Variants in MAB21L3 observed in about 807,000 individuals in gnomAD.
MAB21L3 encodes protein mab-21-like 3.
A neutral mutation model predicts 37.7 loss-of-function variants in MAB21L3; 36 were observed. The observed-to-expected ratio is 0.96, with a 90% CI of 0.73 to 1.26. The LOEUF (loss-of-function observed/expected upper bound fraction) is 1.26. MAB21L3 is among the 50% of genes most tolerant of loss of function. MAB21L3 has a pLI of 0.00. For missense variants in MAB21L3, 430 were observed against 447.3 expected, an observed-to-expected ratio of 0.96 and a Z score of 0.35; for synonymous variants, 186 against 176.8, an observed-to-expected ratio of 1.05 and a Z score of -0.41.
chr1:116,133,310 C>T lies in MAB21L3; in HGVS notation c.1034C>T (p.Thr345Ile), dbSNP rs201491619. Reference sequence around the variant, plus strand: ...TGCACCAACCCGACTGAACTGGACACTGTGGCCCAAAAGCTGGCCACCTTC... The same window carrying T: ...TGCACCAACCCGACTGAACTGGACATTGTGGCCCAAAAGCTGGCCACCTTC... ...FQCTNPTELD[T>I]VAQKLATFLK... The change falls in exon 8 of 8, where the codon ACT (threonine) becomes ATT (isoleucine). Residue 345 changes from threonine to isoleucine, a missense_variant. Physicochemically the swap from Thr to Ile is moderately conservative, Grantham distance 89. Transcript: ENST00000369500. 6 of 1,614,238 alleles carry T rather than the reference C, an allele frequency of 3.7e-6. No homozygotes were observed. The highest frequency in any genetic ancestry group is 3.3e-5 in the South Asian group (3 of 91,088).
intron 5 of MAB21L3, 104 bp from the exon 6 acceptor site, chr1:116,127,362 T>C: frequency 9.1e-7 from 1 of 1,104,124 alleles, no homozygotes; most frequent in East Asian, 2.5e-5. Flanking sequence ...GCCACACCAG[T>C]TGCAAGGTGC....
At chr1:116,115,620 C>G (rs1659567481) in intron 3 of MAB21L3, among the ~76,000 whole-genome samples, 1 of 152,182 alleles carries the variant, frequency 6.6e-6, no homozygotes, top group East Asian at 1.9e-4. Context: ...GTGTGACATT[C>G]CTGGCATGCT....
chr1:116,116,161 G>A (rs888524659), intron 3 of MAB21L3, among the ~76,000 whole-genome samples: 1 of 152,166 alleles, frequency 6.6e-6, no homozygotes, highest in Non-Finnish European at 1.5e-5. Flanking sequence ...CTAGGGTGTG[G>A]CCAGAATAAG....
rs937986454 is a variant in MAB21L3 at position 116,137,557 on chromosome 1, G to T, written c.*4192G>T. Among the ~76,000 whole-genome samples, 5 of 149,888 alleles carry T rather than the reference G, an allele frequency of 3.3e-5. No homozygotes were observed. Among genetic ancestry groups the T allele is most frequent in the Admixed American group, 6.6e-5 (1 of 15,122 alleles). On this transcript the variant is annotated 3_prime_UTR_variant, in exon 8 of 8. Coordinates refer to ENST00000369500, the MANE Select transcript of MAB21L3 (RefSeq NM_152367.3). ...GTAAACTAGTTCAACCATTATGGAA[G>T]TCAGTGTGGCGATTCCTCAGGGATC...
At chr1:116,120,883 G>A in intron 3 of MAB21L3, 49 bp from the exon 4 acceptor site, 1 of 1,605,064 alleles carries the variant, frequency 6.2e-7, no homozygotes, top group South Asian at 1.1e-5. Flanking sequence ...CTGGTATCTT[G>A]GGGCCCACAG....
rs1349579018 is a variant in MAB21L3, at chr1:116,137,932, A to G, written c.*4567A>G. Among the ~76,000 whole-genome samples the G allele has an allele frequency of 1.5e-5, 2 of 137,200 alleles. No homozygotes were observed. The highest frequency in any genetic ancestry group is 1.5e-5 in the Non-Finnish European group (1 of 65,932). 90.0% of individuals were successfully genotyped at this position (137,200 alleles called of 152,430 possible). On this transcript the variant is annotated 3_prime_UTR_variant, in exon 8 of 8. Transcript: ENST00000369500. Reference sequence around the variant, plus strand: ...GGTGGGAATTGAACAATGAGAACACATGGACACATTAAGGGTAACATCACA... The same window carrying G: ...GGTGGGAATTGAACAATGAGAACACGTGGACACATTAAGGGTAACATCACA...
chr1:116,113,893 G>C (rs2101607009), intron 3 of MAB21L3, among the ~76,000 whole-genome samples: 1 of 152,292 alleles, frequency 6.6e-6, no homozygotes, highest in East Asian at 1.9e-4. Context: ...GGTCCCCGCT[G>C]CCTCTCTCAC....
rs919815292 is a variant in MAB21L3, at chr1:116,133,851, C to G, written c.*486C>G. ...CTGTGTGCCTATGAAACTGTGCTGG[C>G]GCCTTTTCAAGGGGAAGGCATTGGA... is the stretch of plus-strand genomic sequence containing the variant. On this transcript the variant is annotated 3_prime_UTR_variant, in exon 8 of 8. Transcript: ENST00000369500. The G allele has an allele frequency of 5.8e-6, 1 of 171,354 alleles. No homozygotes were observed. Among genetic ancestry groups the G allele is most frequent in the African/African-American group, 2.4e-5 (1 of 41,742 alleles). 10.6% of individuals were successfully genotyped at this position (171,354 alleles called of 1,614,324 possible).
intron 3 of MAB21L3, among the ~76,000 whole-genome samples, chr1:116,120,531 T>C (rs1659718233): frequency 6.6e-6 from 1 of 150,732 alleles, no homozygotes; most frequent in East Asian, 1.9e-4. Flanking sequence ...CTATATATTA[T>C]AATATTGATA....
intron 3 of MAB21L3, among the ~76,000 whole-genome samples, chr1:116,120,175 C>G (rs1406862660): frequency 6.6e-6 from 1 of 152,074 alleles, no homozygotes; most frequent in African/African-American, 2.4e-5. Context: ...TTTGCCAGAT[C>G]CAACCACAAT....
chr1:116,120,292 T>G (rs374301001), intron 3 of MAB21L3, among the ~76,000 whole-genome samples: 16 of 151,998 alleles, frequency 1.1e-4, no homozygotes, highest in Admixed American at 1.3e-4. Context: ...TTTAGAGAAG[T>G]CTTCTTTGTC....
At chr1:116,115,581 T>G (rs1659566648) in intron 3 of MAB21L3, among the ~76,000 whole-genome samples, 1 of 152,200 alleles carries the variant, frequency 6.6e-6, no homozygotes, top group Admixed American at 6.5e-5. Flanking sequence ...ATACACATAG[T>G]CTGCATGGTC....
chr1:116,114,241 G>C (rs1659507513), intron 3 of MAB21L3, among the ~76,000 whole-genome samples: 1 of 152,174 alleles, frequency 6.6e-6, no homozygotes, highest in Non-Finnish European at 1.5e-5. Context: ...CTGGAGGGAA[G>C]AACAGTGTCT....
chr1:116,128,428 C>T, intron 7 of MAB21L3, 89 bp downstream of exon 7: 1 of 1,290,260 alleles, frequency 7.8e-7, no homozygotes, highest in South Asian at 1.6e-5. Flanking sequence ...GCCAGAGCCA[C>T]TCAGAAGGGG....
intron 5 of MAB21L3, among the ~76,000 whole-genome samples, chr1:116,125,045 GA>G (rs1659865114): frequency 6.7e-6 from 1 of 148,978 alleles, no homozygotes; most frequent in African/African-American, 2.5e-5. Context: ...AGGAATCACA[GA>G]AAAAGAATAC....
intron 5 of MAB21L3, among the ~76,000 whole-genome samples, chr1:116,127,080 A>G (rs1036961412): frequency 6.6e-6 from 1 of 152,172 alleles, no homozygotes. Context: ...ATGTGACCTC[A>G]TCGTAAGTCA....
chr1:116,124,291 C>A lies in MAB21L3; in HGVS notation c.415C>A (p.Pro139Thr), dbSNP rs1659834251. 1.2e-6 allele frequency: 2 copies of A among 1,614,120 alleles called. No individual in the cohort carries two copies. Among genetic ancestry groups the A allele is most frequent in the Non-Finnish European group, 8.5e-7 (1 of 1,180,034 alleles). The change falls in exon 5 of 8, where the codon CCT (proline) becomes ACT (threonine). Residue 139 changes from proline (P) to threonine (T), a missense_variant. Physicochemically the swap from Pro to Thr is conservative, Grantham distance 38. Transcript: ENST00000369500. ...TDVNIDGDIV[P>T]AKVLLVFRKL... ...TGTGAACATCGACGGAGACATTGTG[C>A]CTGCCAAGGTCCTCCTAGTGTTCCG...
At position 116,133,224 on chromosome 1, in the gene MAB21L3, C is replaced by T. The variant is rs770919534; in HGVS notation, c.948C>T (p.His316=). 14 of 1,614,064 alleles carry T rather than the reference C, an allele frequency of 8.7e-6. No homozygotes were observed. The highest frequency in any genetic ancestry group is 2.7e-5 in the African/African-American group (2 of 74,934). ...TTCTGCGCCTGGTGAGGAAACTGCA[C>T]AAGTGCGTGAGCCAGCACTTCCTGA... ...KAFLRLVRKL[H]KCVSQHFLKH... The change falls in exon 8 of 8, where the codon CAC becomes CAT. Residue 316 remains histidine (H), a synonymous_variant. Transcript: ENST00000369500.
Position 116,136,661 on chromosome 1 carries a change from T to C in MAB21L3, c.*3296T>C, listed in dbSNP as rs1241956603. On this transcript the variant is annotated 3_prime_UTR_variant, in exon 8 of 8. Transcript: ENST00000369500. ...TATGGAACCAAAAAAGAGCCTGCAT[T>C]GCCAAGTCAATTCTAAGCCAAAAGA... Among the ~76,000 whole-genome samples the C allele has an allele frequency of 7.2e-5, 11 of 152,266 alleles. No homozygotes were observed. Among genetic ancestry groups the C allele is most frequent in the Middle Eastern group, 3.4e-3 (1 of 294 alleles).
Sources: gnomAD v4.1 joint callset for allele counts (sites outside exome capture counted in the v4.1 genomes callset) on GRCh38, gnomAD v4.1.1 for gene constraint, MANE v1.5 for transcripts, NCBI Gene and HGNC (gene_info 2026-07-23, HGNC 2026-07-21) for gene names.